Variants in MAGEC1 observed in about 807,000 individuals in gnomAD.
MAGEC1 encodes the protein MAGE family member C1.
MAGEC1 carries 3 observed loss-of-function variants against 1.5 expected under a neutral mutation model. The ratio of observed to expected loss-of-function variants is 1.97; its 90% CI spans 0.90 to 5.10. The LOEUF (loss-of-function observed/expected upper bound fraction) is 5.10. Among genes scored for constraint, MAGEC1 ranks in the 30% most tolerant of loss-of-function variants. The probability of loss-of-function intolerance (pLI) is 0.02; values close to 1 mark genes in which losing one functional copy is unlikely to be tolerated. For synonymous variants in MAGEC1, 357 were observed against 310.4 expected, an observed-to-expected ratio of 1.15 and a Z score of -1.58; for missense variants, 985 against 803.1, an observed-to-expected ratio of 1.23 and a Z score of -2.74.
rs73638716 is a variant in MAGEC1 at position 141,905,800 on chromosome X, G to A, written c.396G>A (p.Ala132=). Reference sequence around the variant, plus strand: ...TCCAGTCTCCTCTGCAGAATCCTGCGAGTTCCTTCTTCTCCTCTGCTTTAT... The same window carrying A: ...TCCAGTCTCCTCTGCAGAATCCTGCAAGTTCCTTCTTCTCCTCTGCTTTAT... The part of the protein sequence containing the change: ...EDVQSPLQNP[A]SSFFSSALLS... The change falls in exon 4 of 4, where the codon GCG becomes GCA. Residue 132 remains alanine (A), a synonymous_variant. Coordinates refer to ENST00000285879, the MANE Select transcript of MAGEC1 (RefSeq NM_005462.5). 4,602 of 1,210,772 alleles carry A rather than the reference G, an allele frequency of 3.8e-3. 121 individuals are homozygous for A. The African/African-American group carries it at 0.069, about 18-fold the overall frequency.
rs940491436 is a variant in MAGEC1 at position 141,904,699 on chromosome X, C to T, written c.-201-18C>T. ...GCTGCCGTCTTAGCTGGAGGGGCTC[C>T]CTCCCTTCCTCTTGCAGGTGCTCCA... On this transcript the variant is annotated intron_variant, in intron 1 of 3. Coordinates refer to ENST00000285879, the MANE Select transcript of MAGEC1 (RefSeq NM_005462.5). 17 of 222,556 alleles carry T rather than the reference C, an allele frequency of 7.6e-5. No individual in the cohort carries two copies. The highest frequency in any genetic ancestry group is 1.5e-3 in the Middle Eastern group (1 of 663). 18.3% of individuals were successfully genotyped at this position (222,556 alleles called of 1,213,427 possible).
chrX:141,905,121 C>G, intron 3 of MAGEC1, 45 bp downstream of exon 3: 1 of 1,206,892 alleles, frequency 8.3e-7, no homozygotes, highest in Non-Finnish European at 1.1e-6. Flanking sequence ...CTCTCTCCCT[C>G]AGTCCTGTGG....
rs12558365 is a variant in MAGEC1, at chrX:141,906,126, C to T, written c.722C>T (p.Ser241Phe). Reference protein sequence around the residue: ...SPLQIPVSPSSSSTLLSLFQS... With the variant: ...SPLQIPVSPSFSSTLLSLFQS... ...CTCCAGATTCCTGTGAGCCCCTCCT[C>T]CTCCTCCACTTTACTGAGTCTTTTC... Residue 241 changes from serine to phenylalanine, a missense_variant, in exon 4 of 4, where the codon TCC (serine) becomes TTC (phenylalanine). Coordinates refer to ENST00000285879, the MANE Select transcript of MAGEC1 (RefSeq NM_005462.5). 0.12 allele frequency: 57,204 copies of T among 470,290 alleles called. 7,859 individuals are homozygous for T. Among genetic ancestry groups the T allele is most frequent in the Middle Eastern group, 0.17 (335 of 2,016 alleles). 38.8% of individuals were successfully genotyped at this position (470,290 alleles called of 1,213,427 possible).
rs764525648 is a variant in MAGEC1, at chrX:141,906,993, T to G, written c.1589T>G (p.Leu530Arg). 3 of 1,211,849 alleles carry G rather than the reference T, an allele frequency of 2.5e-6. No homozygotes were observed. Among genetic ancestry groups the G allele is most frequent in the Non-Finnish European group, 3.4e-6 (3 of 895,495 alleles). Reference sequence around the variant, plus strand: ...GAAGGGGAGAATACCCATTCTCCTCTCCAGATTGTTCCAAGTCTTCCTGAG... The same window carrying G: ...GAAGGGGAGAATACCCATTCTCCTCGCCAGATTGTTCCAAGTCTTCCTGAG... ...PPEGENTHSP[L>R]QIVPSLPEWE... Residue 530 changes from leucine (L) to arginine (R), a missense_variant, in exon 4 of 4, where the codon CTC (leucine) becomes CGC (arginine). By Grantham distance (102) the Leu-to-Arg change is moderately radical. Coordinates refer to ENST00000285879, the MANE Select transcript of MAGEC1 (RefSeq NM_005462.5).
In MAGEC1 at chrX:141,906,762, A is replaced by C. The variant is rs58117541; in HGVS notation, c.1358A>C (p.Tyr453Ser). ...LQIPVSSSFS[Y>S]TLLSLFQSSP... Reference sequence around the variant, plus strand: ...ATTCCTGTGAGCTCCTCTTTCTCCTACACTTTATTGAGTCTTTTCCAGAGT... The same window carrying C: ...ATTCCTGTGAGCTCCTCTTTCTCCTCCACTTTATTGAGTCTTTTCCAGAGT... The change falls in exon 4 of 4, where the codon TAC (tyrosine) becomes TCC (serine). Residue 453 changes from tyrosine to serine, a missense_variant. By Grantham distance (144) the Tyr-to-Ser change is moderately radical. Transcript: ENST00000285879. 88 of 1,160,032 alleles carry C rather than the reference A, an allele frequency of 7.6e-5. No individual in the cohort carries two copies. The highest frequency in any genetic ancestry group is 3.4e-4 in the African/African-American group (15 of 43,483).
In MAGEC1 at chrX:141,905,928, T is replaced by C. The variant is rs140545849; in HGVS notation, c.524T>C (p.Leu175Ser). 1.8e-5 allele frequency: 22 copies of C among 1,195,541 alleles called. No homozygotes were observed. In the Admixed American group the frequency reaches 2.5e-4, roughly 13 times the overall value. Residue 175 changes from leucine to serine, a missense_variant, in exon 4 of 4, where the codon TTA becomes TCA. By Grantham distance (145) the Leu-to-Ser change is moderately radical (BLOSUM62 -2). Coordinates refer to ENST00000285879, the MANE Select transcript of MAGEC1 (RefSeq NM_005462.5). ...IPVSAASSST[L>S]VSIFQSSPES... ...GTGAGCGCCGCCTCCTCCTCCACTT[T>C]AGTGAGTATTTTCCAGAGTTCCCCT...
intron 3 of MAGEC1, 99 bp from the exon 4 acceptor site, chrX:141,905,310 C>T (rs2018171535): frequency 1.1e-6 from 1 of 887,561 alleles, no homozygotes; most frequent in African/African-American, 2.0e-5. Flanking sequence ...GAGGAAGCTT[C>T]CTCCATTTTC....
chrX:141,904,081 G>A (rs1247870171), intron 1 of MAGEC1, 103 bp downstream of exon 1: 2 of 111,934 alleles, frequency 1.8e-5, no homozygotes, highest in Non-Finnish European at 3.8e-5. Context: ...CGGAAACGAA[G>A]ATGGTAGCCG....
Position 141,906,419 on chromosome X carries a change from C to T in MAGEC1, c.1015C>T (p.Gln339Ter), listed in dbSNP as rs1203311094. Residue 339 changes from glutamine to a stop codon, truncating the protein, a stop_gained, in exon 4 of 4, where the codon CAG becomes TAG. Coordinates refer to ENST00000285879, the MANE Select transcript of MAGEC1 (RefSeq NM_005462.5). LOFTEE classifies it low-confidence loss of function (END_TRUNC). ...TFEGFPQSLL[Q>*]IPMTSSFSST... ...TGAGGGTTTTCCCCAGTCTCTTCTC[C>T]AGATTCCTATGACCTCCTCCTTCTC... 1 of 1,200,381 alleles carries T rather than the reference C, an allele frequency of 8.3e-7. No individual in the cohort carries two copies. The highest frequency in any genetic ancestry group is 1.1e-6 in the Non-Finnish European group (1 of 887,525).
chrX:141,909,318 C>T lies in MAGEC1; in HGVS notation c.*485C>T, dbSNP rs1170287376. On this transcript the variant is annotated 3_prime_UTR_variant, in exon 4 of 4. Coordinates refer to ENST00000285879, the MANE Select transcript of MAGEC1 (RefSeq NM_005462.5). Reference sequence around the variant, plus strand: ...TGTTCTTGAAAACTAAAGATACATACCTGGTTTGCTTGGCTTACGTAAGAA... The same window carrying T: ...TGTTCTTGAAAACTAAAGATACATATCTGGTTTGCTTGGCTTACGTAAGAA... The T allele has an allele frequency of 2.6e-5, 3 of 113,460 alleles. No homozygotes were observed. In the Admixed American group the frequency reaches 2.8e-4, roughly 11 times the overall value. 9.4% of individuals were successfully genotyped at this position (113,460 alleles called of 1,213,427 possible).
At position 141,908,630 on chromosome X, in the gene MAGEC1, C is replaced by G. The variant is rs373575379; in HGVS notation, c.3226C>G (p.His1076Asp). 41 of 1,209,279 alleles carry G rather than the reference C, an allele frequency of 3.4e-5. No individual in the cohort carries two copies. The Middle Eastern group carries it at 1.1e-3, about 34-fold the overall frequency. ...CGAATTCCTGTGGGGTCCAAGAGCT[C>G]ATTCAGAAGTCATTAAGAGGAAAGT... is the stretch of plus-strand genomic sequence containing the variant. ...RYEFLWGPRAHSEVIKRKVVE... is the reference protein window; with the variant it reads ...RYEFLWGPRADSEVIKRKVVE... The change falls in exon 4 of 4, where the codon CAT (histidine) becomes GAT (aspartate). Residue 1076 changes from histidine to aspartate, a missense_variant. His to Asp is a moderately conservative substitution (Grantham distance 81, BLOSUM62 -1). Transcript: ENST00000285879.
In MAGEC1 at chrX:141,905,453, A is replaced by G. The variant is rs774276580; in HGVS notation, c.49A>G (p.Ser17Gly). Residue 17 changes from serine (S) to glycine (G), a missense_variant, in exon 4 of 4, where the codon AGT (serine) becomes GGT (glycine). Transcript: ENST00000285879. ...PTAGMPSLLQSSSESPQSCPE... is the reference protein window; with the variant it reads ...PTAGMPSLLQGSSESPQSCPE... ...TGCTGGGATGCCGAGTCTTCTCCAG[A>G]GTTCCTCTGAGAGTCCTCAGAGTTG... 1 of 1,211,642 alleles carries G rather than the reference A, an allele frequency of 8.3e-7. No individual in the cohort carries two copies. The highest frequency in any genetic ancestry group is 1.1e-6 in the Non-Finnish European group (1 of 895,277).
rs1927033250 is a variant in MAGEC1, at chrX:141,908,593, T to C, written c.3189T>C (p.Ser1063=). The stretch of plus-strand genomic sequence containing the variant: ...AGTACCGGGAGGTGCCCAACTCTTC[T>C]CCTCCTCGTTACGAATTCCTGTGGG... ...YLEYREVPNS[S]PPRYEFLWGP... The change falls in exon 4 of 4, where the codon TCT becomes TCC. Residue 1063 remains serine (S), a synonymous_variant. Transcript: ENST00000285879. The C allele has an allele frequency of 8.3e-7, 1 of 1,205,960 alleles. No individual in the cohort carries two copies. The highest frequency in any genetic ancestry group is 1.8e-5 in the African/African-American group (1 of 56,956).
At position 141,907,737 on chromosome X, in the gene MAGEC1, C is replaced by T. The variant is rs1405478745; in HGVS notation, c.2333C>T (p.Pro778Leu). Residue 778 changes from proline to leucine, a missense_variant, in exon 4 of 4, where the codon CCT becomes CTT. By Grantham distance (98) the Pro-to-Leu change is moderately conservative. Coordinates refer to ENST00000285879, the MANE Select transcript of MAGEC1 (RefSeq NM_005462.5). ...CCTGCTCAGTCTCCTCTCCAGAGACCTGTCAGCTCCTTCTTCTCCTACACT... is the reference window on the plus strand; with the variant it reads ...CCTGCTCAGTCTCCTCTCCAGAGACTTGTCAGCTCCTTCTTCTCCTACACT... ...EGPAQSPLQR[P>L]VSSFFSYTLA... is the part of the protein sequence containing the mutation. 8.3e-7 allele frequency: 1 copy of T among 1,208,359 alleles called. No homozygotes were observed. The highest frequency in any genetic ancestry group is 2.2e-5 in the Admixed American group (1 of 45,737).
In MAGEC1 at chrX:141,904,826, A is replaced by C; in HGVS notation, c.-104+12A>C. On this transcript the variant is annotated intron_variant, in intron 2 of 3. Coordinates refer to ENST00000285879, the MANE Select transcript of MAGEC1 (RefSeq NM_005462.5). ...TGCCAGGAGTCAAGGTGAGTGCACG[A>C]CCTGACTGTGTACCAAGGGCCCTAC... is the stretch of plus-strand genomic sequence containing the variant. 2.2e-6 allele frequency: 1 copy of C among 444,674 alleles called. No individual in the cohort carries two copies. Among genetic ancestry groups the C allele is most frequent in the Non-Finnish European group, 3.9e-6 (1 of 254,205 alleles). The allele number at this position is 444,674 out of a possible 1,213,427, so 36.6% of individuals were successfully genotyped here.
rs1435628489 is a variant in MAGEC1, at chrX:141,907,253, CA to C, written c.1850del (p.Gln617ArgfsTer13). On this transcript the variant is annotated frameshift_variant, in exon 4 of 4. Coordinates refer to ENST00000285879, the MANE Select transcript of MAGEC1 (RefSeq NM_005462.5). LOFTEE classifies it low-confidence loss of function (END_TRUNC). Reference sequence around the variant, plus strand: ...TCTCTACTTTCCTCAGAGTCCTCTTCAGGGGGAGGAATTCCAGTCTTCTCTC... The same window carrying C: ...TCTCTACTTTCCTCAGAGTCCTCTTCGGGGGAGGAATTCCAGTCTTCTCTC... The part of the protein sequence containing the change: ...SPLYFPQSPL[Q>X]GEEFQSSLQS... 2.5e-6 allele frequency: 3 copies of C among 1,206,765 alleles called. No individual in the cohort carries two copies. Among genetic ancestry groups the C allele is most frequent in the Non-Finnish European group, 2.2e-6 (2 of 894,062 alleles).
Position 141,906,999 on chromosome X carries a change from T to C in MAGEC1, c.1595T>C (p.Ile532Thr), listed in dbSNP as rs1926946088. Residue 532 changes from isoleucine to threonine, a missense_variant, in exon 4 of 4, where the codon ATT (isoleucine) becomes ACT (threonine). Transcript: ENST00000285879. The stretch of plus-strand genomic sequence containing the variant: ...GAGAATACCCATTCTCCTCTCCAGA[T>C]TGTTCCAAGTCTTCCTGAGTGGGAG... ...EGENTHSPLQ[I>T]VPSLPEWEDS... 7 of 1,209,569 alleles carry C rather than the reference T, an allele frequency of 5.8e-6. No homozygotes were observed. Among genetic ancestry groups the C allele is most frequent in the Non-Finnish European group, 7.8e-6 (7 of 894,985 alleles).
Position 141,905,026 on chromosome X carries a change from C to T in MAGEC1, c.-47C>T. 8.3e-7 allele frequency: 1 copy of T among 1,211,543 alleles called. No individual in the cohort carries two copies. The highest frequency in any genetic ancestry group is 1.1e-6 in the Non-Finnish European group (1 of 895,299). On this transcript the variant is annotated 5_prime_UTR_variant, in exon 3 of 4. Coordinates refer to ENST00000285879, the MANE Select transcript of MAGEC1 (RefSeq NM_005462.5). ...GGCGACCTGTGAGGCCCTAGAGCAC[C>T]ACCTTAAGAGAAGAAGAGCTGTAAG... is the stretch of plus-strand genomic sequence containing the variant.
In MAGEC1 at chrX:141,906,594, A is replaced by T. The variant is rs1334372862; in HGVS notation, c.1190A>T (p.His397Leu). The T allele has an allele frequency of 3.3e-6, 4 of 1,196,058 alleles. No individual in the cohort carries two copies. The Admixed American group carries it at 8.9e-5, about 27-fold the overall frequency. ...SLFQSSPERT[H>L]STFEGFPQSP... is the part of the protein sequence containing the mutation. The stretch of plus-strand genomic sequence containing the variant: ...TTCCAGAGTTCCCCTGAGAGAACTC[A>T]CAGTACTTTTGAGGGTTTTCCCCAG... Residue 397 changes from histidine (H) to leucine (L), a missense_variant, in exon 4 of 4, where the codon CAC becomes CTC. By Grantham distance (99) the His-to-Leu change is moderately conservative (BLOSUM62 -3). Coordinates refer to ENST00000285879, the MANE Select transcript of MAGEC1 (RefSeq NM_005462.5).
Sources: allele counts gnomAD v4.1 joint callset, GRCh38; gene constraint gnomAD v4.1.1; transcripts MANE v1.5; gene names NCBI Gene and HGNC (gene_info 2026-07-23, HGNC 2026-07-21).